Variants in KLK15 observed in about 807,000 individuals in gnomAD.
KLK15 encodes kallikrein related peptidase 15, also known as kallikrein-15.
In KLK15, 19 loss-of-function variants were observed where a neutral mutation model predicts 21.1. The ratio of observed to expected loss-of-function variants is 0.90; its 90% CI spans 0.63 to 1.32. KLK15 has a LOEUF of 1.32. Among genes scored for constraint, KLK15 ranks in the 40% most tolerant of loss-of-function variants. The probability of loss-of-function intolerance (pLI) is 0.00; values close to 1 mark genes in which losing one functional copy is unlikely to be tolerated. For synonymous variants in KLK15, 141 were observed against 141.5 expected (o/e 1.00, Z 0.03); for missense variants, 345 against 348.6 (o/e 0.99, Z 0.08).
chr19:50,828,527 A>G (rs2089924436), intron 1 of KLK15, among the ~76,000 whole-genome samples: 1 of 151,720 alleles, frequency 6.6e-6, no homozygotes, highest in Admixed American at 6.6e-5. Flanking sequence ...ATGTCAGCCA[A>G]ATTCAGTGTG....
exon 3 of KLK15, chr19:50,827,059 C>T (rs559995592): frequency 2.6e-5 from 42 of 1,606,006 alleles, no homozygotes; most frequent in Non-Finnish European, 2.9e-5. Context: ...GGTGGCTGCG[C>T]GCTTCGTAGC....
At chr19:50,830,636 G>C (rs770263671) in intron 1 of KLK15, 3 of 144,534 alleles carry the variant, frequency 2.1e-5, no homozygotes, top group Non-Finnish European at 4.8e-5. Flanking sequence ...CCAGGAGTGA[G>C]GGTCATTTGT....
exon 3 of KLK15, chr19:50,827,137 C>T: frequency 1.3e-6 from 2 of 1,595,016 alleles, no homozygotes; most frequent in Non-Finnish European, 1.7e-6. Flanking sequence ...GCAGGTTGTG[C>T]TCTCCCAGGC....
At chr19:50,831,320 G>T in intron 1 of KLK15, 130 bp downstream of exon 2, 1 of 635,414 alleles carries the variant, frequency 1.6e-6, no homozygotes, top group Non-Finnish European at 2.5e-6. Context: ...ATTGGCACAG[G>T]TGGAGGGTGA....
chr19:50,833,454 C>T (rs1260659651), upstream of KLK15, among the ~76,000 whole-genome samples: 5 of 152,182 alleles, frequency 3.3e-5, no homozygotes, highest in Admixed American at 6.5e-5. Context: ...GCGTGGTCAA[C>T]GTTTCCCCTT....
chr19:50,827,001 G>A (rs1382616820), exon 3 of KLK15: 1 of 1,606,084 alleles, frequency 6.2e-7, no homozygotes, highest in South Asian at 1.1e-5. Flanking sequence ...CGCACCTGGG[G>A]GTTCAGGCGT....
At chr19:50,827,148 G>A (rs757700296) in exon 3 of KLK15, 7 of 1,588,556 alleles carry the variant, frequency 4.4e-6, no homozygotes, top group African/African-American at 2.7e-5. Context: ...TCTCCCAGGC[G>A]CACTCTCATG....
intron 1 of KLK15, among the ~76,000 whole-genome samples, chr19:50,829,282 A>T (rs2089941257): frequency 6.6e-6 from 1 of 151,634 alleles, no homozygotes; most frequent in African/African-American, 2.4e-5. Flanking sequence ...TAAAATGAAG[A>T]TTGTTGTAAG....
chr19:50,830,708 T>C (rs2089970419), intron 1 of KLK15: 1 of 172,438 alleles, frequency 5.8e-6, no homozygotes. Flanking sequence ...CAGGTTACAA[T>C]TAATTTCTTG....
chr19:50,827,154 T>C, exon 3 of KLK15: 1 of 1,583,876 alleles, frequency 6.3e-7, no homozygotes, highest in Admixed American at 1.7e-5. Flanking sequence ...AGGCGCACTC[T>C]CATGAAGCTG....
exon 3 of KLK15, chr19:50,826,959 G>T (rs1346332900): frequency 6.2e-7 from 1 of 1,605,646 alleles, no homozygotes; most frequent in South Asian, 1.1e-5. Flanking sequence ...GCCTCCCCCG[G>T]GTGGGGGCAA....
chr19:50,826,732 A>C, exon 4 of KLK15: 1 of 1,613,698 alleles, frequency 6.2e-7, no homozygotes, highest in South Asian at 1.1e-5. Flanking sequence ...TGATGTTGGC[A>C]CAATGCAACG....
At chr19:50,832,322 C>CTTTTTTTTT (rs773163899), upstream of KLK15, among the ~76,000 whole-genome samples, 6 of 109,440 alleles carry the variant, frequency 5.5e-5, no homozygotes, top group African/African-American at 6.7e-5. Flanking sequence ...CTTTTTTTTT[C>CTTTTTTTTT]TTTTTTTTTT....
chr19:50,829,759 G>T (rs2089950043), intron 1 of KLK15, among the ~76,000 whole-genome samples: 1 of 151,850 alleles, frequency 6.6e-6, no homozygotes, highest in African/African-American at 2.4e-5. Context: ...GGAGGTTGCA[G>T]TGAGCTGAGG....
exon 5 of KLK15, chr19:50,825,778 G>C: frequency 3.7e-6 from 6 of 1,610,050 alleles, no homozygotes; most frequent in Non-Finnish European, 5.1e-6. Flanking sequence ...CAGGGGCACA[G>C]GAGATAGGCT....
At chr19:50,830,140 AC>A (rs1394095581) in intron 1 of KLK15, among the ~76,000 whole-genome samples, 1 of 147,152 alleles carries the variant, frequency 6.8e-6, no homozygotes, top group African/African-American at 2.5e-5. Flanking sequence ...GGCCTTGTAT[AC>A]CCACTGCACA....
chr19:50,832,275 C>T (rs1001979045), upstream of KLK15, among the ~76,000 whole-genome samples: 2 of 151,830 alleles, frequency 1.3e-5, no homozygotes, highest in Non-Finnish European at 2.9e-5. Flanking sequence ...CTTGGCACCA[C>T]CAGGATAAAG....
chr19:50,832,277 A>C (rs1033416757), upstream of KLK15, among the ~76,000 whole-genome samples: 3 of 150,112 alleles, frequency 2.0e-5, no homozygotes, highest in East Asian at 5.9e-4. Context: ...TGGCACCACC[A>C]GGATAAAGTC....
chr19:50,832,453 A>G (rs765865132), upstream of KLK15, among the ~76,000 whole-genome samples: 1 of 150,838 alleles, frequency 6.6e-6, no homozygotes, highest in Admixed American at 6.6e-5. Flanking sequence ...CTCCCAAGCA[A>G]TTGGGATTAC....
Sources: allele counts gnomAD v4.1 joint callset (sites outside exome capture counted in the v4.1 genomes callset), GRCh38; gene constraint gnomAD v4.1.1; transcripts MANE v1.5; gene names NCBI Gene and HGNC (gene_info 2026-07-23, HGNC 2026-07-21).